CSNK1G1: variants seen among roughly 807,000 people sequenced by gnomAD.
CSNK1G1 encodes casein kinase 1 gamma 1.
Under a neutral mutation model 59.6 loss-of-function variants are expected in CSNK1G1, and 22 were observed. The ratio of observed to expected loss-of-function variants is 0.37; its 90% CI spans 0.26 to 0.53. The LOEUF (loss-of-function observed/expected upper bound fraction) is 0.53. Among genes scored for constraint, CSNK1G1 ranks in the 20% least tolerant of loss-of-function variants. CSNK1G1 has a pLI of 0.89. For missense variants in CSNK1G1, 384 were observed against 519.5 expected (o/e 0.74, Z 2.54); for synonymous variants, 179 against 177.1 (o/e 1.01, Z -0.08).
chr15:64,309,546 G>A (rs546183746), intron 1 of CSNK1G1, among the ~76,000 whole-genome samples: 3 of 152,262 alleles, frequency 2.0e-5, no homozygotes, highest in Non-Finnish European at 2.9e-5. Context: ...CCTTCACCGA[G>A]CTACTAGAGC....
At chr15:64,296,131 G>C (rs1364272614) in intron 2 of CSNK1G1, among the ~76,000 whole-genome samples, 1 of 151,944 alleles carries the variant, frequency 6.6e-6, no homozygotes, top group Non-Finnish European at 1.5e-5. Flanking sequence ...CTGGTTTTTT[G>C]TTTGTTTGAG....
chr15:64,251,293 C>T (rs1892067430), intron 4 of CSNK1G1: 1 of 422,006 alleles, frequency 2.4e-6, no homozygotes, highest in South Asian at 6.4e-5. Context: ...GCAGGTTGGT[C>T]TGTGGGCATA....
intron 3 of CSNK1G1, among the ~76,000 whole-genome samples, chr15:64,257,068 T>C (rs748316533): frequency 6.6e-6 from 1 of 151,864 alleles, no homozygotes; most frequent in Non-Finnish European, 1.5e-5. Context: ...TGAAAGCCTG[T>C]AGACAAAACT....
chr15:64,240,400 T>G (rs1172876990), intron 4 of CSNK1G1, among the ~76,000 whole-genome samples: 3 of 152,168 alleles, frequency 2.0e-5, no homozygotes, highest in African/African-American at 7.2e-5. Context: ...CTGAAAATTT[T>G]TCATGTCTAA....
chr15:64,171,729 C>A lies in CSNK1G1; in HGVS notation c.*202G>T, dbSNP rs932074027. ...CAGCAGCTCTGGGACCTGCTCAGAG[C>A]CTTAGGCAGGCGGAGATGGCCAATG... On this transcript the variant is annotated 3_prime_UTR_variant, in exon 12 of 12. Coordinates refer to ENST00000303052, the MANE Select transcript of CSNK1G1 (RefSeq NM_022048.5). This position sits in a 1 kb window ranked among gnomAD's most constrained non-coding sequence, Gnocchi z 4.8. 1.2e-5 allele frequency: 7 copies of A among 608,380 alleles called. No homozygotes were observed. The highest frequency in any genetic ancestry group is 5.6e-5 in the African/African-American group (3 of 54,016). 37.7% of individuals were successfully genotyped at this position (608,380 alleles called of 1,614,324 possible).
At position 64,264,326 on chromosome 15, in the gene CSNK1G1, C is replaced by T. The variant is rs143984517; in HGVS notation, c.182-5085G>A. On this transcript the variant is annotated intron_variant, in intron 2 of 11. Coordinates refer to ENST00000303052, the MANE Select transcript of CSNK1G1 (RefSeq NM_022048.5). ...TACATACAACCTACCAAGATTGAGT[C>T]AGAAGAAATAGAAAACCTGAAGAGA... Among the ~76,000 whole-genome samples the T allele has an allele frequency of 6.6e-3, 1,006 of 152,026 alleles. 12 individuals carry two copies. The highest frequency in any genetic ancestry group is 7.8e-3 in the Non-Finnish European group (533 of 67,966).
chr15:64,286,966 C>A lies in CSNK1G1; in HGVS notation c.181+13353G>T, dbSNP rs1437927805. Among the ~76,000 whole-genome samples the A allele has an allele frequency of 5.3e-5, 8 of 152,200 alleles. No individual in the cohort carries two copies. In the East Asian group the frequency reaches 1.5e-3, roughly 29 times the overall value. On this transcript the variant is annotated intron_variant, in intron 2 of 11. Coordinates refer to ENST00000303052, the MANE Select transcript of CSNK1G1 (RefSeq NM_022048.5). ...ATCATTTTATACTTTATTTATATTT[C>A]TTTTTCTGGTAACATGTAATTATAT...
At chr15:64,184,240 T>C (rs1348516664) in intron 10 of CSNK1G1, among the ~76,000 whole-genome samples, 1 of 151,896 alleles carries the variant, frequency 6.6e-6, no homozygotes, top group Non-Finnish European at 1.5e-5. Flanking sequence ...GAGGCGTAGC[T>C]TGCAGTGAGC....
At chr15:64,308,447 A>C (rs1347184589) in intron 1 of CSNK1G1, among the ~76,000 whole-genome samples, 1 of 152,120 alleles carries the variant, frequency 6.6e-6, no homozygotes, top group Non-Finnish European at 1.5e-5. Flanking sequence ...TATTAAAGGG[A>C]GCCAAAGCAA....
rs973411189 is a variant in CSNK1G1 at position 64,251,376 on chromosome 15, G to T, written c.292+136C>A. On this transcript the variant is annotated intron_variant, in intron 4 of 11. Transcript: ENST00000303052. ...CGCAAGTAGCTTTGTGGTTGACTAT[G>T]TTTATTTACCTATCCGGCAAGCAGG... 4.1e-5 allele frequency: 25 copies of T among 603,052 alleles called. No homozygotes were observed. In the African/African-American group the frequency reaches 4.5e-4, roughly 11 times the overall value. 37.4% of individuals were successfully genotyped at this position (603,052 alleles called of 1,614,324 possible). A position where few individuals can be genotyped will look rare whatever the true frequency, so the allele number is the denominator to read the frequency against.
intron 4 of CSNK1G1, among the ~76,000 whole-genome samples, chr15:64,249,950 C>T (rs1426614759): frequency 6.6e-6 from 1 of 152,128 alleles, no homozygotes; most frequent in Non-Finnish European, 1.5e-5. Context: ...GTCCACTTCC[C>T]CACTTAAACT....
intron 4 of CSNK1G1, among the ~76,000 whole-genome samples, chr15:64,226,992 A>C (rs768050407): frequency 7.2e-5 from 11 of 152,232 alleles, no homozygotes; most frequent in Non-Finnish European, 1.3e-4. Context: ...GAAGACAGCA[A>C]CTACTGTGTG....
chr15:64,348,530 T>C (rs1898098331), intron 1 of CSNK1G1: 1 of 151,972 alleles, frequency 6.6e-6, no homozygotes, highest in South Asian at 2.1e-4. Context: ...AAAGAGTAAA[T>C]ATTGCCACTG....
intron 11 of CSNK1G1, among the ~76,000 whole-genome samples, chr15:64,174,799 TCTTC>T (rs774353876): frequency 2.6e-5 from 4 of 152,170 alleles, no homozygotes; most frequent in Non-Finnish European, 4.4e-5. Flanking sequence ...ATGTGTACAT[TCTTC>T]CTTTCTTCTA....
chr15:64,272,216 CTTTT>C (rs982156703), intron 2 of CSNK1G1, among the ~76,000 whole-genome samples: 1 of 146,300 alleles, frequency 6.8e-6, no homozygotes, highest in Non-Finnish European at 1.5e-5. Context: ...CACTCTGTGA[CTTTT>C]TTTTTTTTCT....
intron 10 of CSNK1G1, among the ~76,000 whole-genome samples, chr15:64,189,888 G>A (rs979477909): frequency 4.1e-5 from 6 of 146,908 alleles, no homozygotes; most frequent in African/African-American, 7.6e-5. Context: ...GCGCATTCTC[G>A]GCTCACTGCA....
chr15:64,267,372 G>A (rs1893046530), intron 2 of CSNK1G1, among the ~76,000 whole-genome samples: 1 of 151,688 alleles, frequency 6.6e-6, no homozygotes, highest in Non-Finnish European at 1.5e-5. Flanking sequence ...AGAGTGAAGA[G>A]ACAACCTAGA....
chr15:64,261,298 G>A (rs935225242), intron 2 of CSNK1G1, among the ~76,000 whole-genome samples: 8 of 152,112 alleles, frequency 5.3e-5, no homozygotes, highest in Non-Finnish European at 7.3e-5. Context: ...CATTGTTACT[G>A]TGACTTAAAA....
chr15:64,187,242 T>G (rs1290867512), intron 10 of CSNK1G1, among the ~76,000 whole-genome samples: 1 of 149,214 alleles, frequency 6.7e-6, no homozygotes, highest in Admixed American at 6.7e-5. Flanking sequence ...CAGGCTAGAG[T>G]ATGCAGTGGC....
Sources: allele counts gnomAD v4.1 joint callset (sites outside exome capture counted in the v4.1 genomes callset), GRCh38; gene constraint gnomAD v4.1.1; non-coding constraint Gnocchi (gnomAD v3.1); transcripts MANE v1.5; gene names NCBI Gene and HGNC (gene_info 2026-07-23, HGNC 2026-07-21).